SLC24A3: variants seen among roughly 807,000 people sequenced by gnomAD.
SLC24A3 encodes sodium/potassium/calcium exchanger 3.
SLC24A3 carries 28 observed loss-of-function variants against 75.8 expected under a neutral mutation model. That is an observed-to-expected ratio of 0.37 (90% CI 0.27 to 0.51). SLC24A3 has a LOEUF of 0.51. Among genes scored for constraint, SLC24A3 ranks in the 20% least tolerant of loss-of-function variants. SLC24A3 has a pLI of 0.94. For synonymous variants in SLC24A3, 372 were observed against 334.1 expected, an observed-to-expected ratio of 1.11 and a Z score of -1.24; for missense variants, 663 against 847.8, an observed-to-expected ratio of 0.78 and a Z score of 2.71.
At chr20:19,543,627 C>T (rs868463641) in intron 3 of SLC24A3, among the ~76,000 whole-genome samples, 19 of 152,078 alleles carry the variant, frequency 1.2e-4, no homozygotes, top group Admixed American at 7.2e-4. Context: ...CCACTCCCAC[C>T]GGGTGGGAGG....
intron 2 of SLC24A3, among the ~76,000 whole-genome samples, chr20:19,476,620 G>A (rs1987965752): frequency 6.6e-6 from 1 of 152,190 alleles, no homozygotes; most frequent in Admixed American, 6.5e-5. Flanking sequence ...TCTGATAAAG[G>A]ACTAGCATTC....
chr20:19,520,096 G>T (rs1425960115), intron 3 of SLC24A3, among the ~76,000 whole-genome samples: 1 of 152,160 alleles, frequency 6.6e-6, no homozygotes, highest in African/African-American at 2.4e-5. Context: ...AGAGTAGAAG[G>T]TGTCACACAT....
chr20:19,355,974 T>C (rs1035323096), intron 2 of SLC24A3, among the ~76,000 whole-genome samples: 18 of 152,150 alleles, frequency 1.2e-4, no homozygotes, highest in African/African-American at 3.4e-4. Context: ...CTCAATTCAC[T>C]TTAGAGACCC....
intron 1 of SLC24A3, among the ~76,000 whole-genome samples, chr20:19,243,580 A>G (rs1313054497): frequency 1.3e-5 from 2 of 152,216 alleles, no homozygotes; most frequent in Non-Finnish European, 2.9e-5. Flanking sequence ...TAGGTAATTC[A>G]TGGCAGAATT....
At chr20:19,231,214 T>C (rs1157720513) in intron 1 of SLC24A3, among the ~76,000 whole-genome samples, 2 of 152,216 alleles carry the variant, frequency 1.3e-5, no homozygotes, top group Non-Finnish European at 2.9e-5. Flanking sequence ...AGAAAGACAT[T>C]TCTGGATATT....
chr20:19,406,203 TGTGTGC>T (rs1358899555), intron 2 of SLC24A3, among the ~76,000 whole-genome samples: 8 of 150,972 alleles, frequency 5.3e-5, no homozygotes, highest in African/African-American at 2.0e-4. Context: ...TGTGTGTGTG[TGTGTGC>T]GTGCGTGTGT....
At chr20:19,392,780 A>G (rs182924622) in intron 2 of SLC24A3, among the ~76,000 whole-genome samples, 2 of 152,314 alleles carry the variant, frequency 1.3e-5, no homozygotes, top group East Asian at 3.9e-4. Context: ...TTCATTTCAG[A>G]TGACAAATGT....
intron 6 of SLC24A3, among the ~76,000 whole-genome samples, chr20:19,618,245 G>A (rs1451806786): frequency 2.0e-5 from 3 of 152,180 alleles, no homozygotes; most frequent in Admixed American, 2.0e-4. Context: ...TACTTGGGCT[G>A]CCATAGCAAA....
intron 3 of SLC24A3, among the ~76,000 whole-genome samples, chr20:19,535,153 C>T (rs943742332): frequency 6.6e-6 from 1 of 152,238 alleles, no homozygotes; most frequent in Non-Finnish European, 1.5e-5. Context: ...GATCTCAGCT[C>T]AGCTCTCAAA....
At chr20:19,501,059 A>G (rs1332339881) in intron 2 of SLC24A3, among the ~76,000 whole-genome samples, 3 of 152,180 alleles carry the variant, frequency 2.0e-5, no homozygotes. Flanking sequence ...CCCTGCAATG[A>G]TACATAAGTA....
chr20:19,644,863 A>AT (rs1310773504), intron 6 of SLC24A3, among the ~76,000 whole-genome samples: 1 of 152,120 alleles, frequency 6.6e-6, no homozygotes, highest in Non-Finnish European at 1.5e-5. Flanking sequence ...TGAAAACTAG[A>AT]TTAGGGAGTG....
chr20:19,383,048 G>A (rs907368993), intron 2 of SLC24A3, among the ~76,000 whole-genome samples: 5 of 152,162 alleles, frequency 3.3e-5, no homozygotes, highest in African/African-American at 1.2e-4. Flanking sequence ...TCTGATTCTC[G>A]AAGTGCAAGT....
chr20:19,719,637 T>C (rs1008661406), intron 16 of SLC24A3, among the ~76,000 whole-genome samples: 2 of 152,192 alleles, frequency 1.3e-5, no homozygotes, highest in African/African-American at 4.8e-5. Flanking sequence ...ATGAGATGCC[T>C]GCTGAAAAGC....
rs768210146 is a variant in SLC24A3, at chr20:19,684,322, A to T, written c.1048A>T (p.Met350Leu). ...PKTRLSMASR[M>L]LINERQRLIN... ...GACCCGGCTCTCCATGGCCAGTCGC[A>T]TGTTGATCAATGAGGTACCTGGGAA... is the stretch of plus-strand genomic sequence containing the variant. Residue 350 changes from methionine to leucine, a missense_variant, in exon 11 of 17, where the codon ATG becomes TTG. Met to Leu is a conservative substitution (Grantham distance 15). Around this residue, in one of 2 missense-constraint regions of SLC24A3, gnomAD observed 510 missense variants for 703.6 expected, o/e 0.72. Transcript: ENST00000328041. The T allele has an allele frequency of 3.7e-6, 6 of 1,613,650 alleles. No homozygotes were observed. The highest frequency in any genetic ancestry group is 3.3e-5 in the South Asian group (3 of 90,954).
At chr20:19,505,959 A>G (rs1263344388) in intron 2 of SLC24A3, among the ~76,000 whole-genome samples, 1 of 152,220 alleles carries the variant, frequency 6.6e-6, no homozygotes, top group Non-Finnish European at 1.5e-5. Flanking sequence ...ATTAGAGACA[A>G]ACAGAGCTAT....
chr20:19,312,009 T>A (rs188569600), intron 2 of SLC24A3, among the ~76,000 whole-genome samples: 13 of 152,314 alleles, frequency 8.5e-5, no homozygotes, highest in African/African-American at 3.1e-4. Context: ...TTCTACTTCA[T>A]GTTTCAAACA....
intron 3 of SLC24A3, among the ~76,000 whole-genome samples, chr20:19,540,105 A>G (rs1051958225): frequency 3.3e-5 from 5 of 152,162 alleles, no homozygotes; most frequent in Middle Eastern, 3.2e-3. Flanking sequence ...GAGGGCAGAA[A>G]GTCAGAGAGA....
intron 1 of SLC24A3, among the ~76,000 whole-genome samples, chr20:19,257,864 T>G (rs533702078): frequency 1.3e-5 from 2 of 152,340 alleles, no homozygotes; most frequent in East Asian, 3.9e-4. Flanking sequence ...TTCCCTCTGT[T>G]GTCCAGGCTA....
chr20:19,307,242 C>A (rs1486119797), intron 2 of SLC24A3, among the ~76,000 whole-genome samples: 1 of 152,094 alleles, frequency 6.6e-6, no homozygotes, highest in Non-Finnish European at 1.5e-5. Flanking sequence ...TGCAATCATG[C>A]CTAATATTTA....
Sources: allele counts gnomAD v4.1 joint callset (sites outside exome capture counted in the v4.1 genomes callset), GRCh38; gene constraint gnomAD v4.1.1; regional missense constraint gnomAD v4.1.1; transcripts MANE v1.5; gene names NCBI Gene and HGNC (gene_info 2026-07-23, HGNC 2026-07-21).